Variants in RNF17 observed in about 807,000 individuals in gnomAD.
RNF17 encodes ring finger protein 17.
A neutral mutation model predicts 200.5 loss-of-function variants in RNF17; 31 were observed. The ratio of observed to expected loss-of-function variants is 0.15; its 90% CI spans 0.12 to 0.21. RNF17 has a LOEUF of 0.21. Among genes scored for constraint, RNF17 ranks in the 10% least tolerant of loss-of-function variants. The probability of loss-of-function intolerance (pLI) is 1.00; values close to 1 mark genes in which losing one functional copy is unlikely to be tolerated. For synonymous variants in RNF17, 606 were observed against 637.8 expected (o/e 0.95, Z 0.75); for missense variants, 1,628 against 1,905.1 (o/e 0.85, Z 2.71).
intron 15 of RNF17, among the ~76,000 whole-genome samples, chr13:24,805,367 C>T (rs1023791655): frequency 5.9e-5 from 9 of 152,126 alleles, no homozygotes; most frequent in African/African-American, 1.7e-4. Context: ...ATTTCTTCTC[C>T]CCTAGTCCCT....
intron 25 of RNF17, among the ~76,000 whole-genome samples, chr13:24,856,612 G>A (rs996298270): frequency 1.3e-5 from 2 of 151,890 alleles, no homozygotes; most frequent in African/African-American, 4.8e-5. Context: ...CTAGCTCATC[G>A]GCTTATACTC....
chr13:24,796,071 G>A, intron 10 of RNF17, 66 bp from the exon 11 acceptor site: 1 of 1,262,628 alleles, frequency 7.9e-7, no homozygotes, highest in African/African-American at 1.5e-5. Context: ...TATTATGGTT[G>A]TTCAGCTTTC....
At chr13:24,832,822 C>T (rs908720405) in intron 18 of RNF17, among the ~76,000 whole-genome samples, 4 of 152,160 alleles carry the variant, frequency 2.6e-5, no homozygotes, top group African/African-American at 9.7e-5. Flanking sequence ...TGGCTCACTG[C>T]AGCCTCAACC....
At chr13:24,880,069 G>C (rs1953761473), downstream of RNF17, 1 of 152,190 alleles carries the variant, frequency 6.6e-6, no homozygotes, top group African/African-American at 2.4e-5. Context: ...GCCTTCTGTA[G>C]AAGTGTATTA....
At chr13:24,764,122 G>A, upstream of RNF17, 1 of 1,359,184 alleles carries the variant, frequency 7.4e-7, no homozygotes, top group Non-Finnish European at 1.0e-6. Flanking sequence ...TATCTGCAGG[G>A]GCTGGCCTCC....
At chr13:24,851,593 T>G in intron 24 of RNF17, 22 bp downstream of exon 24, 2 of 1,512,360 alleles carry the variant, frequency 1.3e-6, no homozygotes, top group Non-Finnish European at 1.8e-6. Flanking sequence ...TTTAAAAAAT[T>G]TTGACATCAG....
intron 15 of RNF17, 25 bp downstream of exon 15, chr13:24,804,454 A>G (rs200710805): frequency 2.9e-5 from 45 of 1,551,960 alleles, no homozygotes; most frequent in Non-Finnish European, 2.6e-6. Flanking sequence ...TGTTTTTGAA[A>G]TGAAGTTTTT....
rs554998558 is a variant in RNF17 at position 24,826,972 on chromosome 13, A to C, written c.2245+1200A>C. Among the ~76,000 whole-genome samples, 66 of 152,088 alleles carry C rather than the reference A, an allele frequency of 4.3e-4. 1 individual carries two copies. Among genetic ancestry groups the C allele is most frequent in the Non-Finnish European group, 6.3e-4 (43 of 68,004 alleles). The stretch of plus-strand genomic sequence containing the variant: ...TTACTCAGGAGGCTGAGGCAGGAGA[A>C]TCACTTGAACCTGGGAGGCGGAGGT... On this transcript the variant is annotated intron_variant, in intron 16 of 35. Coordinates refer to ENST00000255324, the MANE Select transcript of RNF17 (RefSeq NM_031277.3).
chr13:24,880,284 C>G (rs1011281098), downstream of RNF17, among the ~76,000 whole-genome samples: 1 of 152,172 alleles, frequency 6.6e-6, no homozygotes, highest in African/African-American at 2.4e-5. Flanking sequence ...ACCATCAGAT[C>G]TTGTGAGAAC....
intron 16 of RNF17, among the ~76,000 whole-genome samples, chr13:24,827,793 A>G (rs962762274): frequency 1.3e-5 from 2 of 148,292 alleles, no homozygotes; most frequent in Non-Finnish European, 3.0e-5. Context: ...GCACTGTCTT[A>G]TTGAGGGCTT....
intron 19 of RNF17, 106 bp downstream of exon 19, chr13:24,842,267 C>T (rs1890720112): frequency 4.2e-6 from 4 of 949,256 alleles, no homozygotes; most frequent in Non-Finnish European, 6.0e-6. Flanking sequence ...TGAGCTTAGA[C>T]TGTAGACCTG....
intron 16 of RNF17, 41 bp from the exon 17 acceptor site, chr13:24,830,443 T>A (rs1411971645): frequency 8.0e-7 from 1 of 1,256,100 alleles, no homozygotes; most frequent in Middle Eastern, 1.9e-4. Context: ...TAGATAATTC[T>A]GTTTCCAAGT....
intron 15 of RNF17, among the ~76,000 whole-genome samples, chr13:24,806,789 C>G (rs1885911624): frequency 9.4e-6 from 1 of 106,758 alleles, no homozygotes; most frequent in African/African-American, 3.6e-5. Flanking sequence ...CCAATGCTAT[C>G]CCTCCCCCCT....
At chr13:24,778,538 A>T in intron 4 of RNF17, 132 bp downstream of exon 4, 1 of 676,464 alleles carries the variant, frequency 1.5e-6, no homozygotes. Flanking sequence ...CCACCCTCTT[A>T]CTTGAATCTC....
At chr13:24,834,050 C>T (rs1405310048) in intron 18 of RNF17, among the ~76,000 whole-genome samples, 5 of 152,044 alleles carry the variant, frequency 3.3e-5, no homozygotes, top group Non-Finnish European at 7.4e-5. Flanking sequence ...CCTTTTGTGT[C>T]TAGATAATTT....
chr13:24,767,061 T>C (rs1025412140), intron 1 of RNF17, among the ~76,000 whole-genome samples: 1 of 152,172 alleles, frequency 6.6e-6, no homozygotes, highest in African/African-American at 2.4e-5. Flanking sequence ...TTAATCACAA[T>C]AGAATTTCTT....
intron 33 of RNF17, 64 bp from the exon 34 acceptor site, chr13:24,876,933 C>A (rs1894924273): frequency 7.4e-7 from 1 of 1,348,752 alleles, no homozygotes; most frequent in Non-Finnish European, 1.0e-6. Context: ...CCTATGTTTT[C>A]TTCTAAGAAT....
At chr13:24,762,261 T>C (rs1878813273), upstream of RNF17, among the ~76,000 whole-genome samples, 1 of 149,018 alleles carries the variant, frequency 6.7e-6, no homozygotes, top group South Asian at 2.1e-4. Flanking sequence ...TCCCAGTTAC[T>C]GGGGAGGCTG....
chr13:24,814,438 T>C (rs1449042855), intron 15 of RNF17, among the ~76,000 whole-genome samples: 1 of 152,256 alleles, frequency 6.6e-6, no homozygotes, highest in African/African-American at 2.4e-5. Flanking sequence ...TTTGGTGTCA[T>C]ATCCAAGATA....
Sources: gnomAD v4.1 joint callset for allele counts (sites outside exome capture counted in the v4.1 genomes callset) on GRCh38, gnomAD v4.1.1 for gene constraint, MANE v1.5 for transcripts, NCBI Gene and HGNC (gene_info 2026-07-23, HGNC 2026-07-21) for gene names.